SEC31A: variants seen among roughly 807,000 people sequenced by gnomAD.
The protein encoded by SEC31A is protein transport protein Sec31A.
SEC31A carries 70 observed loss-of-function variants against 151.0 expected under a neutral mutation model. The observed-to-expected ratio is 0.46, with a 90% CI of 0.38 to 0.57. The LOEUF is 0.57. Among genes scored for constraint, SEC31A ranks in the 20% least tolerant of loss-of-function variants. The pLI is 0.00. For synonymous variants in SEC31A, 475 were observed against 505.9 expected (o/e 0.94, Z 0.82); for missense variants, 1,330 against 1,471.2 (o/e 0.90, Z 1.57).
At chr4:82,860,083 C>T (rs1445615567) in intron 14 of SEC31A, among the ~76,000 whole-genome samples, 3 of 152,182 alleles carry the variant, frequency 2.0e-5, no homozygotes, top group African/African-American at 4.8e-5. Flanking sequence ...TGAGCCACTG[C>T]GCCTGGCCAC....
At chr4:82,834,252 T>C (rs1440844648) in intron 22 of SEC31A, among the ~76,000 whole-genome samples, 1 of 152,146 alleles carries the variant, frequency 6.6e-6, no homozygotes, top group African/African-American at 2.4e-5. Flanking sequence ...AGAGGTAATA[T>C]AATACAAACC....
In SEC31A at chr4:82,818,923, A is replaced by G. The variant is rs754858669; in HGVS notation, c.*151T>C. On this transcript the variant is annotated 3_prime_UTR_variant, in exon 27 of 27. Transcript: ENST00000395310. The stretch of plus-strand genomic sequence containing the variant: ...AAGCACCAGGGTTCTGAGCAGTTCT[A>G]AGGTGAGTATATCAGCAGAAATAGT... The G allele has an allele frequency of 1.2e-4, 67 of 555,654 alleles. No individual in the cohort carries two copies. Among genetic ancestry groups the G allele is most frequent in the Non-Finnish European group, 1.9e-4 (61 of 329,134 alleles). 34.4% of individuals were successfully genotyped at this position (555,654 alleles called of 1,614,324 possible).
At chr4:82,873,641 C>G (rs1737260721) in intron 6 of SEC31A, among the ~76,000 whole-genome samples, 1 of 152,112 alleles carries the variant, frequency 6.6e-6, no homozygotes, top group Non-Finnish European at 1.5e-5. Context: ...AAGAAGTGTT[C>G]TCCCAAATAG....
chr4:82,891,597 A>G (rs1185958111), upstream of SEC31A, among the ~76,000 whole-genome samples: 1 of 152,202 alleles, frequency 6.6e-6, no homozygotes, highest in African/African-American at 2.4e-5. Context: ...CTTTATTGTA[A>G]TTTGTGACTG....
At chr4:82,852,866 G>A (rs1046314684) in intron 18 of SEC31A, among the ~76,000 whole-genome samples, 9 of 152,136 alleles carry the variant, frequency 5.9e-5, no homozygotes, top group African/African-American at 2.2e-4. Flanking sequence ...CAGCAGGGGG[G>A]ATGGTTTCAG....
At chr4:82,871,417 G>A in intron 7 of SEC31A, 1 of 1,512,762 alleles carries the variant, frequency 6.6e-7, no homozygotes, top group African/African-American at 1.4e-5. Flanking sequence ...CTTAATTTAG[G>A]AACTGTGACT....
intron 1 of SEC31A, among the ~76,000 whole-genome samples, chr4:82,889,277 G>A (rs1741679554): frequency 6.6e-6 from 1 of 151,996 alleles, no homozygotes; most frequent in Non-Finnish European, 1.5e-5. Flanking sequence ...CCCCTTACAG[G>A]AGTTTTTAAC....
At position 82,866,149 on chromosome 4, in the gene SEC31A, C is replaced by CAG. The variant is rs372982377; in HGVS notation, c.1197+657_1197+658dup. On this transcript the variant is annotated intron_variant, in intron 10 of 26. Transcript: ENST00000395310. ...AGAGACAGAGGGAGGGAAAGAGAGA[C>CAG]AGAGAGAGAGAGAAGGAAGACAAAT... 5.4e-3 allele frequency among the ~76,000 whole-genome samples: 815 copies of CAG among 150,532 alleles called. 12 individuals are homozygous for CAG. The highest frequency in any genetic ancestry group is 0.019 in the African/African-American group (768 of 41,006).
chr4:82,848,823 G>C lies in SEC31A; in HGVS notation c.2483C>G (p.Thr828Ser). The change falls in exon 20 of 27, where the codon ACT becomes AGT. Residue 828 changes from threonine (T) to serine (S), a missense_variant. By Grantham distance (58) the Thr-to-Ser change is moderately conservative (BLOSUM62 1). Transcript: ENST00000395310. ...ACTCACATGGGGATAATATTGTTGA[G>C]TTTGAACTCTTGGCATCTGGTGGTG... The part of the protein sequence containing the change: ...AGHHQMPRVQ[T>S]QQYYPHGENP... 2.5e-6 allele frequency: 4 copies of C among 1,613,688 alleles called. No individual in the cohort carries two copies. Among genetic ancestry groups the C allele is most frequent in the South Asian group, 2.2e-5 (2 of 90,970 alleles).
chr4:82,899,194 C>A (rs1025647363), intron 3 of SEC31A, among the ~76,000 whole-genome samples: 5 of 151,956 alleles, frequency 3.3e-5, no homozygotes, highest in African/African-American at 1.2e-4. Context: ...GTTTGCTGAG[C>A]GGGGTGGGGG....
At chr4:82,839,490 T>C (rs912482707) in intron 22 of SEC31A, among the ~76,000 whole-genome samples, 5 of 152,202 alleles carry the variant, frequency 3.3e-5, no homozygotes, top group Non-Finnish European at 7.4e-5. Flanking sequence ...TTTCGCCACA[T>C]CGGCCAGGCT....
intron 6 of SEC31A, 49 bp downstream of exon 6, chr4:82,874,561 AC>A (rs1737499205): frequency 6.6e-7 from 1 of 1,514,058 alleles, no homozygotes; most frequent in Admixed American, 2.4e-5. Context: ...ATATAGGAAT[AC>A]CTACAGCAGA....
intron 12 of SEC31A, 188 bp downstream of exon 12, chr4:82,863,130 C>A: frequency 1.9e-6 from 1 of 516,200 alleles, no homozygotes; most frequent in Non-Finnish European, 3.3e-6. Flanking sequence ...AATATGTATT[C>A]AAAACTCTGG....
At chr4:82,834,737 T>C (rs969822635) in intron 22 of SEC31A, among the ~76,000 whole-genome samples, 1 of 152,234 alleles carries the variant, frequency 6.6e-6, no homozygotes, top group Non-Finnish European at 1.5e-5. Context: ...ATTAATTTAA[T>C]GTACAATTTT....
chr4:82,857,727 G>A lies in SEC31A; in HGVS notation c.1664C>T (p.Pro555Leu), dbSNP rs905436925. ...GATATTAAATGTTCCTCCAGATGAG[G>A]GTAGAAATTCAGATTCTTCTTTTTC... is the stretch of plus-strand genomic sequence containing the variant. ...KEEKEESEFL[P>L]SSGGTFNISV... Residue 555 changes from proline to leucine, a missense_variant, in exon 15 of 27, where the codon CCC (proline) becomes CTC (leucine). Physicochemically the swap from Pro to Leu is moderately conservative, Grantham distance 98. Transcript: ENST00000395310. 5 of 1,603,522 alleles carry A rather than the reference G, an allele frequency of 3.1e-6. No individual in the cohort carries two copies. The African/African-American group carries it at 5.4e-5, about 17-fold the overall frequency.
chr4:82,862,480 C>T (rs1008292683), intron 13 of SEC31A, 54 bp downstream of exon 13: 36 of 1,360,732 alleles, frequency 2.6e-5, no homozygotes, highest in South Asian at 1.7e-4. Context: ...TTTCCTTCTT[C>T]GTTATGACCT....
chr4:82,865,138 A>C (rs1445637578), intron 10 of SEC31A, among the ~76,000 whole-genome samples: 1 of 152,214 alleles, frequency 6.6e-6, no homozygotes, highest in Non-Finnish European at 1.5e-5. Flanking sequence ...TGGAATATGT[A>C]GTAGAGATTA....
At position 82,846,366 on chromosome 4, in the gene SEC31A, CATAATA is replaced by C. The variant is rs35831381; in HGVS notation, c.2503-1863_2503-1858del. ...GTAAATCTTTGCAGAAACTCCAAAA[CATAATA>C]ATAATAATAATAATAATAATAATAA... On this transcript the variant is annotated intron_variant, in intron 20 of 26. Coordinates refer to ENST00000395310, the MANE Select transcript of SEC31A (RefSeq NM_001077207.4). Among the ~76,000 whole-genome samples, 863 of 140,524 alleles carry C rather than the reference CATAATA, an allele frequency of 6.1e-3. 5 individuals carry two copies. Among genetic ancestry groups the C allele is most frequent in the Non-Finnish European group, 7.8e-3 (512 of 65,466 alleles). The allele number at this position is 140,524 out of a possible 152,430, so 92.2% of individuals were successfully genotyped here.
chr4:82,873,407 A>C (rs933034063), intron 6 of SEC31A, among the ~76,000 whole-genome samples: 10 of 146,588 alleles, frequency 6.8e-5, no homozygotes, highest in Non-Finnish European at 1.1e-4. Context: ...ACACAAAAAA[A>C]CCCCATACTT....
Sources: gnomAD v4.1 joint callset for allele counts (sites outside exome capture counted in the v4.1 genomes callset) on GRCh38, gnomAD v4.1.1 for gene constraint, MANE v1.5 for transcripts, NCBI Gene and HGNC (gene_info 2026-07-23, HGNC 2026-07-21) for gene names.